PAX2: variants seen among roughly 807,000 people sequenced by gnomAD.
PAX2 encodes paired box protein Pax-2.
A neutral mutation model predicts 41.7 loss-of-function variants in PAX2; 9 were observed. The observed-to-expected ratio is 0.22, with a 90% CI of 0.13 to 0.38. The LOEUF (loss-of-function observed/expected upper bound fraction) is 0.38, where lower values mean the gene tolerates loss of function less well. PAX2 is among the 10% of genes least tolerant of loss of function. The probability of loss-of-function intolerance (pLI) is 1.00; values close to 1 mark genes in which losing one functional copy is unlikely to be tolerated. For synonymous variants in PAX2, 221 were observed against 212.7 expected (o/e 1.04, Z -0.34); for missense variants, 418 against 531.6 (o/e 0.79, Z 2.10).
chr10:100,807,433 G>A (rs1474411585), intron 6 of PAX2, among the ~76,000 whole-genome samples: 42 of 137,942 alleles, frequency 3.0e-4, no homozygotes, highest in Non-Finnish European at 5.5e-4. Flanking sequence ...ACACACCACC[G>A]CCCACCTGTT....
chr10:100,775,416 G>A (rs988383560), intron 3 of PAX2, among the ~76,000 whole-genome samples: 1 of 152,096 alleles, frequency 6.6e-6, no homozygotes, highest in Non-Finnish European at 1.5e-5. Flanking sequence ...AATTCTCCGA[G>A]ATCAGCTCTA....
At chr10:100,794,185 A>G (rs1847240511) in intron 5 of PAX2, among the ~76,000 whole-genome samples, 1 of 152,210 alleles carries the variant, frequency 6.6e-6, no homozygotes, top group African/African-American at 2.4e-5. Context: ...CCCTGCCTGG[A>G]CATATGTCAG....
At chr10:100,808,677 C>T (rs1029939583) in intron 6 of PAX2, among the ~76,000 whole-genome samples, 1 of 152,118 alleles carries the variant, frequency 6.6e-6, no homozygotes. Context: ...CGCCCATACC[C>T]GATCAGCCAG....
rs570040403 is a variant in PAX2, at chr10:100,779,309, G to C, written c.411-189G>C. On this transcript the variant is annotated intron_variant, in intron 3 of 9. Transcript: ENST00000355243. ...CATTCACCCAGAGCTGCATTACGTT[G>C]GATCTGCGGAGCCAACAGAAGGAAA... Among the ~76,000 whole-genome samples the C allele has an allele frequency of 3.3e-5, 5 of 152,360 alleles. No individual in the cohort carries two copies. The East Asian group carries it at 5.8e-4, about 18-fold the overall frequency.
Position 100,791,989 on chromosome 10 carries a change from T to C in PAX2, c.616+10624T>C, listed in dbSNP as rs1847137072. Among the ~76,000 whole-genome samples the C allele has an allele frequency of 1.3e-5, 2 of 152,192 alleles. No homozygotes were observed. Among genetic ancestry groups the C allele is most frequent in the African/African-American group, 4.8e-5 (2 of 41,446 alleles). ...CAGGCAGCAAAAGGGACCAGAATGC[T>C]ATACAAAGGAACCTCTAGGGACTTG... On this transcript the variant is annotated intron_variant, in intron 5 of 9. Coordinates refer to ENST00000355243, the MANE Select transcript of PAX2 (RefSeq NM_000278.5). This position sits in a 1 kb window ranked among gnomAD's most constrained non-coding sequence, Gnocchi z 4.5.
chr10:100,738,615 C>T (rs1427870969), intron 1 of PAX2, among the ~76,000 whole-genome samples: 2 of 152,348 alleles, frequency 1.3e-5, no homozygotes, highest in East Asian at 3.9e-4. Flanking sequence ...CTCCCTCCAT[C>T]AGTTTCTTCA....
chr10:100,784,532 C>G (rs1290931706), intron 5 of PAX2, among the ~76,000 whole-genome samples: 1 of 152,220 alleles, frequency 6.6e-6, no homozygotes, highest in African/African-American at 2.4e-5. Flanking sequence ...TCTCTTTGTC[C>G]TCCAGGAAGC....
chr10:100,822,954 G>A (rs1848419653), intron 7 of PAX2, among the ~76,000 whole-genome samples: 1 of 152,182 alleles, frequency 6.6e-6, no homozygotes, highest in South Asian at 2.1e-4. Flanking sequence ...GTTTCATGAG[G>A]ACTAGCCAAG....
chr10:100,801,173 G>A (rs1481912959), intron 5 of PAX2, among the ~76,000 whole-genome samples: 1 of 152,120 alleles, frequency 6.6e-6, no homozygotes, highest in Non-Finnish European at 1.5e-5. Context: ...CCCAGCAAAT[G>A]TCCCCTTGAG....
intron 3 of PAX2, among the ~76,000 whole-genome samples, chr10:100,753,509 C>G (rs747652645): frequency 1.3e-5 from 2 of 152,140 alleles, no homozygotes; most frequent in African/African-American, 4.8e-5. Flanking sequence ...AGGAAGAGCC[C>G]GGAGATTTTC....
chr10:100,758,386 C>T (rs1425770908), intron 3 of PAX2, among the ~76,000 whole-genome samples: 3 of 152,080 alleles, frequency 2.0e-5, no homozygotes, highest in African/African-American at 4.8e-5. Flanking sequence ...GTGATCCGCC[C>T]GCCTCGGCCT....
chr10:100,753,181 C>T (rs893285982), intron 3 of PAX2, among the ~76,000 whole-genome samples: 3 of 152,200 alleles, frequency 2.0e-5, no homozygotes, highest in African/African-American at 7.2e-5. Flanking sequence ...CGTAGTTAGG[C>T]TTCATGGCTG....
chr10:100,827,591 C>T lies in PAX2; in HGVS notation c.1157C>T (p.Ala386Val). 6.2e-7 allele frequency: 1 copy of T among 1,613,916 alleles called. No homozygotes were observed. Among genetic ancestry groups the T allele is most frequent in the Non-Finnish European group, 8.5e-7 (1 of 1,179,814 alleles). Residue 386 changes from alanine to valine, a missense_variant, in exon 10 of 10, where the codon GCT becomes GTT. This residue lies in a region of PAX2 where 310 missense variants were observed against 325.2 expected (regional missense o/e 0.95). Coordinates refer to ENST00000355243, the MANE Select transcript of PAX2 (RefSeq NM_000278.5). This position sits in a 1 kb window ranked among gnomAD's most constrained non-coding sequence, Gnocchi z 8.5. Reference sequence around the variant, plus strand: ...GCCCCCCGGGGCTCCGCCCCTGCCGCTGCTGCCGCTGCCTATGACCGCCAC... The same window carrying T: ...GCCCCCCGGGGCTCCGCCCCTGCCGTTGCTGCCGCTGCCTATGACCGCCAC... ...SAAPRGSAPA[A>V]AAAAYDRH is the part of the protein sequence containing the mutation.
intron 5 of PAX2, among the ~76,000 whole-genome samples, chr10:100,797,750 T>C (rs1847389339): frequency 6.6e-6 from 1 of 152,204 alleles, no homozygotes; most frequent in Admixed American, 6.5e-5. Context: ...AGCCCTCTTG[T>C]ATATGTCTGA....
intron 3 of PAX2, among the ~76,000 whole-genome samples, chr10:100,758,795 G>A (rs1845732543): frequency 6.6e-6 from 1 of 152,254 alleles, no homozygotes; most frequent in Non-Finnish European, 1.5e-5. Flanking sequence ...GACCTGACTG[G>A]ATGGACTTAT....
intron 1 of PAX2, among the ~76,000 whole-genome samples, chr10:100,737,471 T>C (rs2133808334): frequency 6.6e-6 from 1 of 152,334 alleles, no homozygotes; most frequent in East Asian, 1.9e-4. Flanking sequence ...GCACTTCCTT[T>C]CCCTTCCCTC....
At chr10:100,779,955 C>T (rs1183427846) in intron 4 of PAX2, among the ~76,000 whole-genome samples, 1 of 152,072 alleles carries the variant, frequency 6.6e-6, no homozygotes, top group African/African-American at 2.4e-5. Context: ...TGTCTCCCTA[C>T]CTGTGCCCTC....
intron 7 of PAX2, among the ~76,000 whole-genome samples, chr10:100,820,537 G>C (rs1473381675): frequency 6.6e-6 from 1 of 152,132 alleles, no homozygotes; most frequent in Non-Finnish European, 1.5e-5. Context: ...TGGCCAACAT[G>C]GTGAAACCCT....
rs2133822748 is a variant in PAX2, at chr10:100,745,990, A to C, written c.-271A>C. 7.5e-7 allele frequency: 1 copy of C among 1,331,906 alleles called. No individual in the cohort carries two copies. Among genetic ancestry groups the C allele is most frequent in the Non-Finnish European group, 9.6e-7 (1 of 1,045,690 alleles). 82.5% of individuals were successfully genotyped at this position (1,331,906 alleles called of 1,614,324 possible). A position where few individuals can be genotyped will look rare whatever the true frequency, so the allele number is the denominator to read the frequency against. On this transcript the variant is annotated 5_prime_UTR_variant, in exon 1 of 10. Transcript: ENST00000355243. Reference sequence around the variant, plus strand: ...CCCCCAGTGCACCCCGGCCCGGCCCACCGCCCCGGGGCCATTCTGCTGACC... The same window carrying C: ...CCCCCAGTGCACCCCGGCCCGGCCCCCCGCCCCGGGGCCATTCTGCTGACC...
Sources: gnomAD v4.1 joint callset for allele counts (sites outside exome capture counted in the v4.1 genomes callset) on GRCh38, gnomAD v4.1.1 for gene constraint, gnomAD v4.1.1 regional missense constraint, Gnocchi (gnomAD v3.1) non-coding constraint, MANE v1.5 for transcripts, NCBI Gene and HGNC (gene_info 2026-07-23, HGNC 2026-07-21) for gene names.